ELMO1: variants seen among roughly 807,000 people sequenced by gnomAD.
ELMO1 encodes the protein engulfment and cell motility 1, also known as engulfment and cell motility protein 1.
ELMO1 carries 26 observed loss-of-function variants against 98.9 expected under a neutral mutation model. The observed-to-expected ratio is 0.26, with a 90% CI of 0.19 to 0.36. The LOEUF is 0.36. ELMO1 is among the 10% of genes least tolerant of loss of function. The probability of loss-of-function intolerance (pLI) is 1.00; values close to 1 mark genes in which losing one functional copy is unlikely to be tolerated. For missense variants in ELMO1, 627 were observed against 935.2 expected (o/e 0.67, Z 4.30); for synonymous variants, 346 against 346.0 (o/e 1.00, Z 0.00).
At chr7:37,243,536 T>C (rs907507806) in intron 7 of ELMO1, among the ~76,000 whole-genome samples, 1 of 152,216 alleles carries the variant, frequency 6.6e-6, no homozygotes, top group African/African-American at 2.4e-5. Context: ...TCTACTTTAT[T>C]AGAATTTAAT....
At position 37,208,149 on chromosome 7, in the gene ELMO1, A is replaced by G. The variant is rs142158175; in HGVS notation, c.1086+3237T>C. Among the ~76,000 whole-genome samples the G allele has an allele frequency of 1.7e-3, 262 of 152,374 alleles. 2 individuals are homozygous for G. Among genetic ancestry groups the G allele is most frequent in the Non-Finnish European group, 3.0e-3 (204 of 68,048 alleles). On this transcript the variant is annotated intron_variant, in intron 13 of 21. Transcript: ENST00000310758. ...CTATGATGTGTTCTCTCCAAAAGGAAGAAAGGGAAGTAGCACTGGCTGAGT... is the reference window on the plus strand; with the variant it reads ...CTATGATGTGTTCTCTCCAAAAGGAGGAAAGGGAAGTAGCACTGGCTGAGT...
intron 6 of ELMO1, among the ~76,000 whole-genome samples, chr7:37,249,455 T>C (rs776350967): frequency 6.6e-5 from 10 of 152,316 alleles, no homozygotes; most frequent in Non-Finnish European, 1.3e-4. Context: ...CTTCCAATGT[T>C]CCTAATACAG....
chr7:37,266,955 G>A (rs1026709508), intron 5 of ELMO1, among the ~76,000 whole-genome samples: 3 of 150,634 alleles, frequency 2.0e-5, no homozygotes, highest in Non-Finnish European at 4.4e-5. Flanking sequence ...GGAGATTTTA[G>A]TGAGCTGAAA....
At chr7:37,293,558 A>G (rs1198660162) in intron 4 of ELMO1, among the ~76,000 whole-genome samples, 2 of 113,010 alleles carry the variant, frequency 1.8e-5, no homozygotes, top group African/African-American at 5.7e-5. Flanking sequence ...CCTAATCTCA[A>G]GTACCCAGGG....
At chr7:37,033,807 A>G (rs1795016967) in intron 15 of ELMO1, among the ~76,000 whole-genome samples, 1 of 152,162 alleles carries the variant, frequency 6.6e-6, no homozygotes, top group African/African-American at 2.4e-5. Context: ...ACTAAGAGAA[A>G]GACTATTCAT....
intron 6 of ELMO1, among the ~76,000 whole-genome samples, chr7:37,247,300 G>A (rs1201268677): frequency 6.6e-6 from 1 of 152,134 alleles, no homozygotes; most frequent in Non-Finnish European, 1.5e-5. Context: ...ATTTTTGAGA[G>A]CTGCTAAGCT....
At chr7:37,075,220 C>G (rs1246111373) in intron 15 of ELMO1, among the ~76,000 whole-genome samples, 1 of 151,014 alleles carries the variant, frequency 6.6e-6, no homozygotes. Flanking sequence ...GATCTCTGCT[C>G]ACTGCAAGCT....
chr7:37,063,117 G>C (rs1459538384), intron 15 of ELMO1, among the ~76,000 whole-genome samples: 1 of 152,174 alleles, frequency 6.6e-6, no homozygotes, highest in Non-Finnish European at 1.5e-5. Context: ...AGTTCTCTTA[G>C]GATTCAATGA....
At chr7:37,162,343 T>G (rs1467177808) in intron 13 of ELMO1, among the ~76,000 whole-genome samples, 4 of 152,182 alleles carry the variant, frequency 2.6e-5, no homozygotes, top group Non-Finnish European at 5.9e-5. Context: ...TAGGCTCTTC[T>G]GAAATGTTCT....
intron 13 of ELMO1, among the ~76,000 whole-genome samples, chr7:37,134,100 T>C (rs976712826): frequency 3.9e-5 from 6 of 152,066 alleles, no homozygotes; most frequent in Admixed American, 1.3e-4. Flanking sequence ...TGGTTACTAG[T>C]ACAAAGACAA....
intron 16 of ELMO1, among the ~76,000 whole-genome samples, chr7:36,965,138 T>C (rs1789302192): frequency 6.6e-6 from 1 of 152,056 alleles, no homozygotes; most frequent in Non-Finnish European, 1.5e-5. Context: ...CCACAGGCCT[T>C]ACCCAACCAT....
intron 1 of ELMO1, among the ~76,000 whole-genome samples, chr7:37,364,628 G>A (rs1264526240): frequency 6.6e-6 from 1 of 150,908 alleles, no homozygotes; most frequent in Non-Finnish European, 1.5e-5. Context: ...TTAAGATAGG[G>A]AAAATTCAAC....
chr7:36,996,214 C>T (rs1792199367), intron 16 of ELMO1, among the ~76,000 whole-genome samples: 1 of 151,820 alleles, frequency 6.6e-6, no homozygotes. Flanking sequence ...AGAAGAATCA[C>T]TCTTTTTCCT....
chr7:37,225,091 AG>A (rs1563087994), intron 8 of ELMO1, 61 bp from the exon 9 acceptor site: 13 of 1,598,030 alleles, frequency 8.1e-6, no homozygotes, highest in Non-Finnish European at 2.6e-6. Flanking sequence ...GACGTGGAGA[AG>A]GGAACAAATG....
intron 15 of ELMO1, among the ~76,000 whole-genome samples, chr7:37,027,149 C>T (rs1436180950): frequency 6.6e-6 from 1 of 152,172 alleles, no homozygotes; most frequent in Non-Finnish European, 1.5e-5. Flanking sequence ...CATTCTTCCT[C>T]CCTCTCTCCC....
At position 36,855,400 on chromosome 7, in the gene ELMO1, T is replaced by G. The variant is rs570043981; in HGVS notation, c.*151A>C. ...CAAGATGCCAGCTAGGGGCTGAAAG[T>G]TGCCAGGGCTAGAGGTGATGCTGAA... On this transcript the variant is annotated 3_prime_UTR_variant, in exon 22 of 22. Coordinates refer to ENST00000310758, the MANE Select transcript of ELMO1 (RefSeq NM_014800.11). This position sits in a 1 kb window ranked among gnomAD's most constrained non-coding sequence, Gnocchi z 4.2. 1.5e-5 allele frequency: 14 copies of G among 955,356 alleles called. No individual in the cohort carries two copies. The highest frequency in any genetic ancestry group is 1.3e-4 in the African/African-American group (8 of 61,214). The allele number at this position is 955,356 out of a possible 1,614,324, so 59.2% of individuals were successfully genotyped here.
At chr7:37,264,841 G>T (rs937642515) in intron 5 of ELMO1, among the ~76,000 whole-genome samples, 1 of 152,108 alleles carries the variant, frequency 6.6e-6, no homozygotes, top group African/African-American at 2.4e-5. Context: ...TCTCTCTCTT[G>T]AAGATACAAG....
chr7:36,946,622 C>A (rs997877879), intron 16 of ELMO1, among the ~76,000 whole-genome samples: 3 of 152,164 alleles, frequency 2.0e-5, no homozygotes, highest in Non-Finnish European at 4.4e-5. Flanking sequence ...GGGGGCTCTC[C>A]CTAAAAACCC....
intron 16 of ELMO1, among the ~76,000 whole-genome samples, chr7:36,984,226 C>CA (rs1425275180): frequency 6.6e-6 from 1 of 152,194 alleles, no homozygotes; most frequent in African/African-American, 2.4e-5. Flanking sequence ...AACATGCACA[C>CA]AAGCTCTTCC....
Sources: gnomAD v4.1 joint callset for allele counts (sites outside exome capture counted in the v4.1 genomes callset) on GRCh38, gnomAD v4.1.1 for gene constraint, Gnocchi (gnomAD v3.1) non-coding constraint, MANE v1.5 for transcripts, NCBI Gene and HGNC (gene_info 2026-07-23, HGNC 2026-07-21) for gene names.